Variants in TACC2 observed in about 807,000 individuals in gnomAD.
TACC2 encodes the protein transforming acidic coiled-coil-containing protein 2.
A neutral mutation model predicts 227.3 loss-of-function variants in TACC2; 137 were observed. The observed-to-expected ratio is 0.60, with a 90% CI of 0.52 to 0.69. The LOEUF (loss-of-function observed/expected upper bound fraction) is 0.69, where lower values mean the gene tolerates loss of function less well. TACC2 is among the 30% of genes least tolerant of loss of function. The pLI is 0.00. For synonymous variants in TACC2, 1,523 were observed against 1,487.5 expected (o/e 1.02, Z -0.55); for missense variants, 3,470 against 3,694.4 (o/e 0.94, Z 1.57).
chr10:121,995,676 C>T (rs940868618), intron 1 of TACC2, among the ~76,000 whole-genome samples: 10 of 152,178 alleles, frequency 6.6e-5, no homozygotes, highest in Non-Finnish European at 1.3e-4. Flanking sequence ...TCTCAGGAAG[C>T]TTTCACTCAT....
intron 3 of TACC2, among the ~76,000 whole-genome samples, chr10:122,074,167 G>A (rs1039903119): frequency 6.8e-6 from 1 of 146,818 alleles, no homozygotes; most frequent in African/African-American, 2.5e-5. Flanking sequence ...AGCAACCTCT[G>A]CCTCCCAAGT....
chr10:122,027,957 T>A (rs777657056), intron 2 of TACC2, among the ~76,000 whole-genome samples: 17 of 151,946 alleles, frequency 1.1e-4, no homozygotes, highest in East Asian at 1.9e-4. Flanking sequence ...GTTAGCCAGG[T>A]TGGTCTCGAT....
At chr10:122,192,388 T>G in intron 7 of TACC2, 1 of 278,372 alleles carries the variant, frequency 3.6e-6, no homozygotes, top group Non-Finnish European at 7.2e-6. Context: ...CCCTCCCTGT[T>G]GCTTGCTTGT....
At chr10:122,132,959 T>C (rs535110405) in intron 6 of TACC2, among the ~76,000 whole-genome samples, 1 of 152,282 alleles carries the variant, frequency 6.6e-6, no homozygotes, top group South Asian at 2.1e-4. Context: ...AGGAAGACCG[T>C]TTCCCCTGTC....
intron 2 of TACC2, among the ~76,000 whole-genome samples, chr10:122,029,268 G>A (rs556938233): frequency 1.1e-4 from 16 of 151,952 alleles, no homozygotes; most frequent in South Asian, 4.2e-4. Flanking sequence ...GTCAGATGCC[G>A]TCTCTGCATC....
chr10:122,180,682 G>T lies in TACC2; in HGVS notation c.5835-14358G>T, dbSNP rs2093944980. 6.6e-6 allele frequency among the ~76,000 whole-genome samples: 1 copy of T among 151,640 alleles called. No homozygotes were observed. The highest frequency in any genetic ancestry group is 2.4e-5 in the African/African-American group (1 of 41,304). On this transcript the variant is annotated intron_variant, in intron 7 of 22. Transcript: ENST00000369005. This position sits in a 1 kb window ranked among gnomAD's most constrained non-coding sequence, Gnocchi z 4.5. Reference sequence around the variant, plus strand: ...GACTGACTCTTTTTTCACTCTTCATGTCTCAGCTTTGAGAAGCCTCCCTTC... The same window carrying T: ...GACTGACTCTTTTTTCACTCTTCATTTCTCAGCTTTGAGAAGCCTCCCTTC...
At chr10:122,035,734 ACT>A (rs1270920681) in intron 2 of TACC2, among the ~76,000 whole-genome samples, 2 of 151,538 alleles carry the variant, frequency 1.3e-5, no homozygotes, top group East Asian at 3.9e-4. Flanking sequence ...TCAAACTGAA[ACT>A]CTCTGCCCAC....
At position 122,114,998 on chromosome 10, in the gene TACC2, C is replaced by T. The variant is rs74571277; in HGVS notation, c.5574-17611C>T. ...AGAGAGACTCAAAGAAGTCCAGGGT[C>T]TTGGCCAGGGCCACACATCAAGGTA... On this transcript the variant is annotated intron_variant, in intron 5 of 22. Transcript: ENST00000369005. Among the ~76,000 whole-genome samples, 571 of 152,380 alleles carry T rather than the reference C, an allele frequency of 3.7e-3. 3 individuals are homozygous for T. Among genetic ancestry groups the T allele is most frequent in the Middle Eastern group, 0.01 (3 of 294 alleles).
chr10:122,093,988 G>T (rs1051320275), intron 5 of TACC2, among the ~76,000 whole-genome samples: 1 of 152,146 alleles, frequency 6.6e-6, no homozygotes, highest in African/African-American at 2.4e-5. Context: ...ACGTCTCTGA[G>T]CCTGTTTCTG....
At chr10:122,069,432 TGG>T (rs774475962) in intron 3 of TACC2, among the ~76,000 whole-genome samples, 1 of 151,908 alleles carries the variant, frequency 6.6e-6, no homozygotes, top group African/African-American at 2.4e-5. Flanking sequence ...TTAGTAGAGA[TGG>T]GGTTTCACCG....
intron 1 of TACC2, among the ~76,000 whole-genome samples, chr10:122,017,166 G>A (rs11200332): frequency 0.46 from 69,149 of 151,914 alleles, 15,898 homozygotes; most frequent in South Asian, 0.6. Context: ...CAGAGCATTC[G>A]CGCTCTCACA....
rs1021446609 is a variant in TACC2, at chr10:122,170,456, A to C, written c.5835-24584A>C. Among the ~76,000 whole-genome samples the C allele has an allele frequency of 1.8e-4, 27 of 151,526 alleles. 1 individual carries two copies. The highest frequency in any genetic ancestry group is 6.1e-4 in the African/African-American group (25 of 41,244). On this transcript the variant is annotated intron_variant, in intron 7 of 22. Transcript: ENST00000369005. Reference sequence around the variant, plus strand: ...CAGCTAATTTTTGTATTTTTAGTAGAGACGGGGTTTTAATTTTGTATTTTC... The same window carrying C: ...CAGCTAATTTTTGTATTTTTAGTAGCGACGGGGTTTTAATTTTGTATTTTC...
At chr10:122,202,881 C>A (rs1241848980) in intron 8 of TACC2, among the ~76,000 whole-genome samples, 7 of 151,014 alleles carry the variant, frequency 4.6e-5, no homozygotes, top group Admixed American at 4.6e-4. Context: ...ATGCTGCCTT[C>A]AAGCATCTGT....
At chr10:122,069,522 G>A (rs949500943) in intron 3 of TACC2, among the ~76,000 whole-genome samples, 3 of 152,156 alleles carry the variant, frequency 2.0e-5, no homozygotes, top group Non-Finnish European at 4.4e-5. Flanking sequence ...GATTACAGGT[G>A]TGAGCCACTG....
chr10:122,140,497 A>C (rs900782384), intron 6 of TACC2, among the ~76,000 whole-genome samples: 5 of 152,234 alleles, frequency 3.3e-5, no homozygotes, highest in African/African-American at 1.2e-4. Flanking sequence ...GGCATCCCAG[A>C]TGTTTAGCCC....
At chr10:122,176,090 T>C (rs2093683856) in intron 7 of TACC2, among the ~76,000 whole-genome samples, 2 of 86,380 alleles carry the variant, frequency 2.3e-5, no homozygotes, top group South Asian at 3.9e-4. Flanking sequence ...TCTCTCTCTC[T>C]CTCTCTCTCT....
At chr10:122,033,048 T>C in intron 2 of TACC2, 1 of 1,201,832 alleles carries the variant, frequency 8.3e-7, no homozygotes, top group Non-Finnish European at 1.1e-6. Flanking sequence ...CATCTGGTCC[T>C]GTTCCCTGCG....
rs749526492 is a variant in TACC2 at position 122,125,776 on chromosome 10, C to CCTTTT, written c.5574-6833_5574-6832insCTTTT. On this transcript the variant is annotated intron_variant, in intron 5 of 22. Coordinates refer to ENST00000369005, the MANE Select transcript of TACC2 (RefSeq NM_206862.4). ...ACTCAAAGGCTACACAATATCCTTC[C>CCTTTT]TTTTTTTTTTTTTTTTTTGAGAGGG... Among the ~76,000 whole-genome samples the CCTTTT allele has an allele frequency of 5.9e-4, 69 of 117,202 alleles. No individual in the cohort carries two copies. In the East Asian group the frequency reaches 6.3e-3, roughly 11 times the overall value. The allele number at this position is 117,202 out of a possible 152,430, so 76.9% of individuals were successfully genotyped here.
chr10:122,072,596 A>G (rs1009490193), intron 3 of TACC2, among the ~76,000 whole-genome samples: 3 of 152,206 alleles, frequency 2.0e-5, no homozygotes, highest in Non-Finnish European at 2.9e-5. Flanking sequence ...TCCTATTAAC[A>G]TTAGAATTCT....
Sources: allele counts gnomAD v4.1 joint callset (sites outside exome capture counted in the v4.1 genomes callset), GRCh38; gene constraint gnomAD v4.1.1; non-coding constraint Gnocchi (gnomAD v3.1); transcripts MANE v1.5; gene names NCBI Gene and HGNC (gene_info 2026-07-23, HGNC 2026-07-21).